The following KIRREL3 variants were observed in gnomAD, a reference collection of about 807,000 sequenced individuals.
KIRREL3 encodes the protein kin of IRRE-like protein 3.
Under a neutral mutation model 89.7 loss-of-function variants are expected in KIRREL3, and 36 were observed. The observed-to-expected ratio is 0.40, with a 90% CI of 0.31 to 0.53. The LOEUF is 0.53. KIRREL3 is among the 20% of genes least tolerant of loss of function. The pLI is 0.49. For missense variants in KIRREL3, 864 were observed against 1,056.6 expected (o/e 0.82, Z 2.53); for synonymous variants, 445 against 441.4 (o/e 1.01, Z -0.10).
At chr11:126,435,846 G>A (rs1168891370) in intron 12 of KIRREL3, among the ~76,000 whole-genome samples, 1 of 152,244 alleles carries the variant, frequency 6.6e-6, no homozygotes, top group East Asian at 1.9e-4. Context: ...CTTTACCTAA[G>A]AGGGTGTCAG....
rs1957874891 is a variant in KIRREL3 at position 126,501,797 on chromosome 11, AC to A, written c.433+19517del. ...TTTTCCCGCTTCTGTTCCTAGTTCA[AC>A]CCCCACCCACATTGTGAGCTCCCTG... is the stretch of plus-strand genomic sequence containing the variant. On this transcript the variant is annotated intron_variant, in intron 4 of 16. Coordinates refer to ENST00000525144, the MANE Select transcript of KIRREL3 (RefSeq NM_032531.4). This position sits in a 1 kb window ranked among gnomAD's most constrained non-coding sequence, Gnocchi z 5.8. 6.6e-6 allele frequency among the ~76,000 whole-genome samples: 1 copy of A among 151,626 alleles called. No individual in the cohort carries two copies. The highest frequency in any genetic ancestry group is 2.1e-4 in the South Asian group (1 of 4,778).
intron 1 of KIRREL3, among the ~76,000 whole-genome samples, chr11:126,675,679 C>T (rs949435987): frequency 2.6e-5 from 4 of 152,120 alleles, no homozygotes; most frequent in Admixed American, 6.5e-5. Flanking sequence ...TGGGAGCCAA[C>T]CATGGTGGAA....
chr11:126,774,283 C>T (rs893833705), intron 1 of KIRREL3, among the ~76,000 whole-genome samples: 1 of 151,730 alleles, frequency 6.6e-6, no homozygotes, highest in Non-Finnish European at 1.5e-5. Flanking sequence ...AGGAAGAAAC[C>T]CCTCATTGCC....
chr11:126,712,181 G>C (rs1310938450), intron 1 of KIRREL3, among the ~76,000 whole-genome samples: 1 of 151,778 alleles, frequency 6.6e-6, no homozygotes, highest in African/African-American at 2.4e-5. Flanking sequence ...GAGTTTGTTT[G>C]AATGTGAATT....
chr11:126,489,631 CT>C lies in KIRREL3; in HGVS notation c.434-16166del, dbSNP rs1957456373. Among the ~76,000 whole-genome samples, 2 of 152,130 alleles carry C rather than the reference CT, an allele frequency of 1.3e-5. No individual in the cohort carries two copies. The highest frequency in any genetic ancestry group is 4.8e-5 in the African/African-American group (2 of 41,440). Reference sequence around the variant, plus strand: ...TTGGACCCAGGACAGCTGGTGTCCCCTGGCTTTCCTGAGACCTTGGACGTGC... The same window carrying C: ...TTGGACCCAGGACAGCTGGTGTCCCCGGCTTTCCTGAGACCTTGGACGTGC... On this transcript the variant is annotated intron_variant, in intron 4 of 16. Coordinates refer to ENST00000525144, the MANE Select transcript of KIRREL3 (RefSeq NM_032531.4). This position sits in a 1 kb window ranked among gnomAD's most constrained non-coding sequence, Gnocchi z 5.5.
Position 126,491,751 on chromosome 11 carries a change from G to C in KIRREL3, c.434-18285C>G, listed in dbSNP as rs559031100. Among the ~76,000 whole-genome samples the C allele has an allele frequency of 2.0e-5, 3 of 152,000 alleles. No homozygotes were observed. The highest frequency in any genetic ancestry group is 2.9e-5 in the Non-Finnish European group (2 of 67,974). On this transcript the variant is annotated intron_variant, in intron 4 of 16. Transcript: ENST00000525144. The surrounding 1 kb of genome is among the most constrained non-coding windows in gnomAD (Gnocchi z 5.5). The stretch of plus-strand genomic sequence containing the variant: ...GAGTCTTGCTCTGTCACCCAAGCTG[G>C]AGTTCAGTGGCATGATCTCGGCTCA...
At chr11:126,478,673 G>C (rs1336394273) in intron 4 of KIRREL3, among the ~76,000 whole-genome samples, 1 of 152,110 alleles carries the variant, frequency 6.6e-6, no homozygotes, top group African/African-American at 2.4e-5. Flanking sequence ...ATATATGTAT[G>C]TGTATGTATG....
intron 1 of KIRREL3, among the ~76,000 whole-genome samples, chr11:126,927,758 G>A (rs535775420): frequency 1.1e-4 from 16 of 152,290 alleles, no homozygotes; most frequent in Middle Eastern, 3.4e-3. Flanking sequence ...ATATCCACCC[G>A]GGGCTTTCCC....
At chr11:126,838,448 T>C (rs1200480964) in intron 1 of KIRREL3, among the ~76,000 whole-genome samples, 2 of 152,202 alleles carry the variant, frequency 1.3e-5, no homozygotes, top group South Asian at 2.1e-4. Context: ...ATTTGACAAA[T>C]TGAAATTAAA....
chr11:126,923,609 A>T (rs1592373407), intron 1 of KIRREL3, among the ~76,000 whole-genome samples: 1 of 151,692 alleles, frequency 6.6e-6, no homozygotes, highest in Admixed American at 6.6e-5. Context: ...ACGCTCAGCT[A>T]ATTTTTTGTA....
At chr11:127,000,924 C>T (rs1245934931), upstream of KIRREL3, 2 of 361,916 alleles carry the variant, frequency 5.5e-6, no homozygotes, top group Non-Finnish European at 9.8e-6. This position sits in a 1 kb window ranked among gnomAD's most constrained non-coding sequence, Gnocchi z 7.1. Context: ...AGGAAACACT[C>T]GGAAAAAGGA....
Position 126,903,413 on chromosome 11 carries a change from A to C in KIRREL3, c.55+97042T>G, listed in dbSNP as rs187203455. Among the ~76,000 whole-genome samples the C allele has an allele frequency of 4.1e-4, 62 of 152,294 alleles. 1 individual carries two copies. Among genetic ancestry groups the C allele is most frequent in the Admixed American group, 9.2e-4 (14 of 15,280 alleles). Reference sequence around the variant, plus strand: ...GATACAGTGTCTGTGGCAATGTTTAATTAGAGATTAAAATTGAGGAATTGA... The same window carrying C: ...GATACAGTGTCTGTGGCAATGTTTACTTAGAGATTAAAATTGAGGAATTGA... On this transcript the variant is annotated intron_variant, in intron 1 of 16. Transcript: ENST00000525144. This position sits in a 1 kb window ranked among gnomAD's most constrained non-coding sequence, Gnocchi z 4.5.
At chr11:126,440,343 G>T in intron 11 of KIRREL3, 106 bp downstream of exon 11, 1 of 964,558 alleles carries the variant, frequency 1.0e-6, no homozygotes, top group Non-Finnish European at 1.6e-6. Context: ...CAGCAAGAAA[G>T]AGGAACCTCG....
intron 1 of KIRREL3, among the ~76,000 whole-genome samples, chr11:126,671,903 T>C (rs1466658583): frequency 6.6e-6 from 1 of 152,132 alleles, no homozygotes; most frequent in Non-Finnish European, 1.5e-5. Context: ...TACCACATGA[T>C]CAAGTAACTG....
rs1783996 is a variant in KIRREL3, at chr11:126,551,876, C to T, written c.133+10959G>A. ...AGTCAGGCTGGTCTTGAACTCCTGA[C>T]CTCAGGTGATCCACCCGCCTTGGCC... On this transcript the variant is annotated intron_variant, in intron 2 of 16. Coordinates refer to ENST00000525144, the MANE Select transcript of KIRREL3 (RefSeq NM_032531.4). The surrounding 1 kb of genome is among the most constrained non-coding windows in gnomAD (Gnocchi z 4.9). Among the ~76,000 whole-genome samples the T allele has an allele frequency of 0.16, 23,794 of 152,142 alleles. 2,097 individuals carry two copies. The highest frequency in any genetic ancestry group is 0.23 in the Middle Eastern group (68 of 294).
Position 126,575,147 on chromosome 11 carries a change from G to A in KIRREL3, c.56-12235C>T, listed in dbSNP as rs975207144. ...TCTGGCCAGAGGACACAGTGAGGGAGCCTGGTTTAAAAAAAAGAGGCTTAA... is the reference window on the plus strand; with the variant it reads ...TCTGGCCAGAGGACACAGTGAGGGAACCTGGTTTAAAAAAAAGAGGCTTAA... On this transcript the variant is annotated intron_variant, in intron 1 of 16. Coordinates refer to ENST00000525144, the MANE Select transcript of KIRREL3 (RefSeq NM_032531.4). The surrounding 1 kb of genome is among the most constrained non-coding windows in gnomAD (Gnocchi z 7.0). Among the ~76,000 whole-genome samples the A allele has an allele frequency of 1.3e-4, 20 of 152,166 alleles. No homozygotes were observed. The highest frequency in any genetic ancestry group is 4.8e-4 in the African/African-American group (20 of 41,432).
In KIRREL3 at chr11:126,429,349, C is replaced by G; in HGVS notation, c.1697-61G>C. 2 of 1,261,800 alleles carry G rather than the reference C, an allele frequency of 1.6e-6. No homozygotes were observed. Among genetic ancestry groups the G allele is most frequent in the Non-Finnish European group, 2.3e-6 (2 of 869,938 alleles). 78.2% of individuals were successfully genotyped at this position (1,261,800 alleles called of 1,614,324 possible). The stretch of plus-strand genomic sequence containing the variant: ...TAGTTCTTACCTTTGAGATGTCAAG[C>G]TCCCTTGCAGTCCCCTGCCCCTGCC... On this transcript the variant is annotated intron_variant, in intron 14 of 16. Transcript: ENST00000525144. The surrounding 1 kb of genome is among the most constrained non-coding windows in gnomAD (Gnocchi z 5.2).
intron 7 of KIRREL3, among the ~76,000 whole-genome samples, chr11:126,451,926 C>T (rs1055814852): frequency 1.3e-5 from 2 of 152,120 alleles, no homozygotes; most frequent in African/African-American, 4.8e-5. Context: ...AAGCGTCACC[C>T]CACAGCCACT....
chr11:126,848,079 T>C (rs1330572349), intron 1 of KIRREL3, among the ~76,000 whole-genome samples: 1 of 152,194 alleles, frequency 6.6e-6, no homozygotes, highest in Non-Finnish European at 1.5e-5. Flanking sequence ...AAGTAAAGAA[T>C]GTCACTTTCT....
Sources: gnomAD v4.1 joint callset for allele counts (sites outside exome capture counted in the v4.1 genomes callset) on GRCh38, gnomAD v4.1.1 for gene constraint, Gnocchi (gnomAD v3.1) non-coding constraint, MANE v1.5 for transcripts, NCBI Gene and HGNC (gene_info 2026-07-23, HGNC 2026-07-21) for gene names.